MRPL42: variants seen among roughly 807,000 people sequenced by gnomAD.
MRPL42 encodes mitochondrial ribosomal protein L42, also known as large ribosomal subunit protein mL42.
MRPL42 carries 17 observed loss-of-function variants against 17.9 expected under a neutral mutation model. The observed-to-expected ratio is 0.95, with a 90% CI of 0.65 to 1.42. The LOEUF (loss-of-function observed/expected upper bound fraction) is 1.42. MRPL42 is among the 40% of genes most tolerant of loss of function. The pLI, the probability that MRPL42 is intolerant of heterozygous loss-of-function variation, is 0.00. For synonymous variants in MRPL42, 59 were observed against 54.4 expected (o/e 1.08, Z -0.37); for missense variants, 177 against 175.2 (o/e 1.01, Z -0.06).
At chr12:93,488,235 G>T (rs1206960916) in intron 5 of MRPL42, 10 of 393,272 alleles carry the variant, frequency 2.5e-5, no homozygotes, top group Non-Finnish European at 4.5e-5. Context: ...CTCCCAAAGT[G>T]CTGGGATTAC....
In MRPL42 at chr12:93,501,166, T is replaced by G; in HGVS notation, c.384-10T>G. The G allele has an allele frequency of 6.3e-7, 1 of 1,584,778 alleles. No individual in the cohort carries two copies. The highest frequency in any genetic ancestry group is 1.2e-5 in the South Asian group (1 of 85,638). On this transcript the variant is annotated splice_polypyrimidine_tract_variant and intron_variant, in intron 5 of 5. Transcript: ENST00000549982. ...AATCATCTTATTCCAAGTATTTTCT[T>G]CTTTTCAAGGTATCACAGATGTCGT...
intron 3 of MRPL42, among the ~76,000 whole-genome samples, chr12:93,477,585 TGAC>T (rs1218521047): frequency 2.0e-5 from 3 of 152,196 alleles, no homozygotes; most frequent in Non-Finnish European, 4.4e-5. Context: ...TCTTCTCTCT[TGAC>T]ACTAGTTTTA....
chr12:93,508,554 C>T lies in MRPL42; in HGVS notation c.*7333C>T, dbSNP rs1015099812. On this transcript the variant is annotated 3_prime_UTR_variant, in exon 6 of 6. Transcript: ENST00000549982. Reference sequence around the variant, plus strand: ...AAGGGAGTAAGAGGAGAGATGCTACCTATTAAAAGGAGAAGCAGCAAATAC... The same window carrying T: ...AAGGGAGTAAGAGGAGAGATGCTACTTATTAAAAGGAGAAGCAGCAAATAC... 2 of 152,190 alleles carry T rather than the reference C, an allele frequency of 1.3e-5. No individual in the cohort carries two copies. The highest frequency in any genetic ancestry group is 1.9e-4 in the East Asian group (1 of 5,188). The allele number at this position is 152,190 out of a possible 1,614,324, so 9.4% of individuals were successfully genotyped here.
intron 5 of MRPL42, among the ~76,000 whole-genome samples, chr12:93,494,040 A>G (rs991065018): frequency 1.6e-4 from 21 of 130,740 alleles, no homozygotes; most frequent in South Asian, 2.9e-4. Context: ...AAGGAAGGAC[A>G]TGTTCAAAAG....
In MRPL42 at chr12:93,503,369, A is replaced by G. The variant is rs1001407507; in HGVS notation, c.*2148A>G. 1.2e-4 allele frequency: 17 copies of G among 143,650 alleles called. No individual in the cohort carries two copies. Among genetic ancestry groups the G allele is most frequent in the Non-Finnish European group, 2.4e-4 (16 of 66,100 alleles). 8.9% of individuals were successfully genotyped at this position (143,650 alleles called of 1,614,324 possible). A position where few individuals can be genotyped will look rare whatever the true frequency, so the allele number is the denominator to read the frequency against. On this transcript the variant is annotated 3_prime_UTR_variant, in exon 6 of 6. Coordinates refer to ENST00000549982, the MANE Select transcript of MRPL42 (RefSeq NM_014050.4). ...GTGCTGGAATATTCTGAGTAGACCA[A>G]TAGCAAAAACTGATTTTTTTTTTTT...
In MRPL42 at chr12:93,516,053, A is replaced by T. The variant is rs1300732080; in HGVS notation, c.*14832A>T. The T allele has an allele frequency of 3.3e-5, 5 of 152,138 alleles. No homozygotes were observed. Among genetic ancestry groups the T allele is most frequent in the Non-Finnish European group, 7.4e-5 (5 of 68,026 alleles). The allele number at this position is 152,138 out of a possible 1,614,324, so 9.4% of individuals were successfully genotyped here. On this transcript the variant is annotated 3_prime_UTR_variant, in exon 6 of 6. Transcript: ENST00000549982. ...AATCATGAAATTCTCCTTCTTTCTGATAGTATCCAATCTGGAGCAAACCCG... is the reference window on the plus strand; with the variant it reads ...AATCATGAAATTCTCCTTCTTTCTGTTAGTATCCAATCTGGAGCAAACCCG...
chr12:93,486,722 AAAT>A (rs748681039), intron 4 of MRPL42, among the ~76,000 whole-genome samples: 1 of 152,350 alleles, frequency 6.6e-6, no homozygotes, highest in Admixed American at 6.5e-5. Flanking sequence ...TTAAGTTAAA[AAAT>A]AATAATAGGC....
Position 93,506,568 on chromosome 12 carries a change from A to G in MRPL42, c.*5347A>G, listed in dbSNP as rs1020546876. On this transcript the variant is annotated 3_prime_UTR_variant, in exon 6 of 6. Transcript: ENST00000549982. ...GCATGAGCCACCACGCCCGGCCAAG[A>G]ATGTCTTTTCTTTATAATGTTGTCT... The G allele has an allele frequency of 6.6e-6, 1 of 152,054 alleles. No individual in the cohort carries two copies. The highest frequency in any genetic ancestry group is 2.4e-5 in the African/African-American group (1 of 41,360). The allele number at this position is 152,054 out of a possible 1,614,324, so 9.4% of individuals were successfully genotyped here.
At chr12:93,467,575 C>G (rs1271657161) in intron 1 of MRPL42, 21 bp downstream of exon 1, 1 of 146,898 alleles carries the variant, frequency 6.8e-6, no homozygotes, top group Non-Finnish European at 1.5e-5. Flanking sequence ...CCCTCTACTC[C>G]TCCTGTCGAG....
At position 93,511,322 on chromosome 12, in the gene MRPL42, C is replaced by G. The variant is rs1435560075; in HGVS notation, c.*10101C>G. 1 of 152,130 alleles carries G rather than the reference C, an allele frequency of 6.6e-6. No individual in the cohort carries two copies. The highest frequency in any genetic ancestry group is 1.9e-4 in the East Asian group (1 of 5,206). The allele number at this position is 152,130 out of a possible 1,614,324, so 9.4% of individuals were successfully genotyped here. On this transcript the variant is annotated 3_prime_UTR_variant, in exon 6 of 6. Transcript: ENST00000549982. ...AAGAAAAACCTAAGTAATTAAAAAACTGAAAGCACAGATATTCATTATTTC... is the reference window on the plus strand; with the variant it reads ...AAGAAAAACCTAAGTAATTAAAAAAGTGAAAGCACAGATATTCATTATTTC...
At chr12:93,472,402 C>T (rs73218722) in intron 2 of MRPL42, among the ~76,000 whole-genome samples, 1 of 152,010 alleles carries the variant, frequency 6.6e-6, no homozygotes, top group Non-Finnish European at 1.5e-5. Context: ...CATAGGAAAC[C>T]TCATTTCTAC....
In MRPL42 at chr12:93,503,988, T is replaced by G. The variant is rs1396698355; in HGVS notation, c.*2767T>G. On this transcript the variant is annotated 3_prime_UTR_variant, in exon 6 of 6. Transcript: ENST00000549982. ...ACCATTTTCTTTTTTTATTTTTTTT[T>G]TAAATTTATTTCTTCTTTTTTTTTT... The G allele has an allele frequency of 7.4e-6, 1 of 136,054 alleles. No individual in the cohort carries two copies. Among genetic ancestry groups the G allele is most frequent in the Non-Finnish European group, 1.6e-5 (1 of 63,882 alleles). The allele number at this position is 136,054 out of a possible 1,614,324, so 8.4% of individuals were successfully genotyped here. A position where few individuals can be genotyped will look rare whatever the true frequency, so the allele number is the denominator to read the frequency against.
In MRPL42 at chr12:93,511,477, C is replaced by G. The variant is rs1953725118; in HGVS notation, c.*10256C>G. On this transcript the variant is annotated 3_prime_UTR_variant, in exon 6 of 6. Coordinates refer to ENST00000549982, the MANE Select transcript of MRPL42 (RefSeq NM_014050.4). ...TTAATAATAATCAGCATCAAAGATT[C>G]TTAGAAATGTTGGGAGACTGTGTGG... 6.6e-6 allele frequency: 1 copy of G among 152,066 alleles called. No individual in the cohort carries two copies. Among genetic ancestry groups the G allele is most frequent in the Non-Finnish European group, 1.5e-5 (1 of 67,988 alleles). The allele number at this position is 152,066 out of a possible 1,614,324, so 9.4% of individuals were successfully genotyped here.
intron 5 of MRPL42, among the ~76,000 whole-genome samples, chr12:93,495,395 TTTG>T (rs139179722): frequency 0.051 from 7,760 of 152,104 alleles, 246 homozygotes; most frequent in South Asian, 0.14. Context: ...GGCTGATTTT[TTTG>T]TTGTTGTTTG....
intron 4 of MRPL42, among the ~76,000 whole-genome samples, chr12:93,482,270 A>C (rs188917390): frequency 2.5e-3 from 378 of 152,224 alleles, no homozygotes; most frequent in Non-Finnish European, 4.5e-3. Flanking sequence ...TTCCTTGGCT[A>C]CTGCATTTAA....
intron 2 of MRPL42, among the ~76,000 whole-genome samples, chr12:93,476,436 T>G (rs565284114): frequency 5.9e-5 from 9 of 152,204 alleles, no homozygotes; most frequent in Non-Finnish European, 1.2e-4. Context: ...CCCAAAGTGT[T>G]GGGATTACAG....
rs368139977 is a variant in MRPL42, at chr12:93,476,982, A to G, written c.99A>G (p.Lys33=). ...GAGCTTTATATTGTGTTTGTCATAA[A>G]TCTACGTATTCTCCTCTACCAGATG... The part of the protein sequence containing the change: ...QNGALYCVCH[K]STYSPLPDDY... Residue 33 remains lysine (K), a synonymous_variant, in exon 3 of 6, where the codon AAA becomes AAG. Transcript: ENST00000549982. 6.8e-6 allele frequency: 11 copies of G among 1,609,272 alleles called. No homozygotes were observed. In the African/African-American group the frequency reaches 1.5e-4, roughly 22 times the overall value.
At position 93,510,867 on chromosome 12, in the gene MRPL42, T is replaced by G. The variant is rs1233636659; in HGVS notation, c.*9646T>G. On this transcript the variant is annotated 3_prime_UTR_variant, in exon 6 of 6. Coordinates refer to ENST00000549982, the MANE Select transcript of MRPL42 (RefSeq NM_014050.4). ...AAATATTTTTATGGGGGACCAGTGT[T>G]AAGATTAGATCTGTTTAAAGAGAAA... is the stretch of plus-strand genomic sequence containing the variant. 1 of 152,212 alleles carries G rather than the reference T, an allele frequency of 6.6e-6. No individual in the cohort carries two copies. The highest frequency in any genetic ancestry group is 1.5e-5 in the Non-Finnish European group (1 of 68,034). 9.4% of individuals were successfully genotyped at this position (152,212 alleles called of 1,614,324 possible). A position where few individuals can be genotyped will look rare whatever the true frequency, so the allele number is the denominator to read the frequency against.
At chr12:93,477,119 A>G in intron 3 of MRPL42, 102 bp downstream of exon 3, 1 of 847,146 alleles carries the variant, frequency 1.2e-6, no homozygotes, top group African/African-American at 1.8e-5. Context: ...TTTTCTCATT[A>G]TTCTTTCCTT....
Sources: allele counts gnomAD v4.1 joint callset (sites outside exome capture counted in the v4.1 genomes callset), GRCh38; gene constraint gnomAD v4.1.1; transcripts MANE v1.5; gene names NCBI Gene and HGNC (gene_info 2026-07-23, HGNC 2026-07-21).